CST7: variants seen among roughly 807,000 people sequenced by gnomAD.
The protein encoded by CST7 is cystatin-F.
A neutral mutation model predicts 13.1 loss-of-function variants in CST7; 15 were observed. The observed-to-expected ratio is 1.14, with a 90% CI of 0.77 to 1.76. CST7 has a LOEUF of 1.76. Ranked by LOEUF, CST7 falls within the 40% of genes most tolerant of loss-of-function variation. The pLI is 0.00. For synonymous variants in CST7, 75 were observed against 66.9 expected, an observed-to-expected ratio of 1.12 and a Z score of -0.59; for missense variants, 193 against 178.8, an observed-to-expected ratio of 1.08 and a Z score of -0.45.
chr20:24,951,052 T>A (rs1425439253), intron 1 of CST7, among the ~76,000 whole-genome samples: 1 of 152,162 alleles, frequency 6.6e-6, no homozygotes. Context: ...TGGGAGCCGA[T>A]GTGCTGGGCA....
At chr20:24,949,921 T>C (rs1187719525) in intron 1 of CST7, among the ~76,000 whole-genome samples, 1 of 152,226 alleles carries the variant, frequency 6.6e-6, no homozygotes, top group African/African-American at 2.4e-5. Flanking sequence ...GGCAGCCACA[T>C]GCCTGTGGTT....
chr20:24,950,695 T>G lies in CST7; in HGVS notation c.70+1120T>G, dbSNP rs369214350. On this transcript the variant is annotated intron_variant, in intron 1 of 3. Transcript: ENST00000480798. ...TGGGGACAGCATACCCGGCCCTGCC[T>G]CCCAGCTTGGGAGCCTTCTTAGCTC... 3.7e-4 allele frequency among the ~76,000 whole-genome samples: 56 copies of G among 151,230 alleles called. No individual in the cohort carries two copies. The South Asian group carries it at 3.8e-3, about 10-fold the overall frequency.
intron 1 of CST7, among the ~76,000 whole-genome samples, chr20:24,957,029 G>A (rs1227481666): frequency 1.1e-4 from 1 of 9,228 alleles, no homozygotes; most frequent in African/African-American, 4.2e-4. Flanking sequence ...CAGGTGAGGG[G>A]AGCAGGTGAG....
chr20:24,952,718 C>T (rs182108792), intron 1 of CST7, among the ~76,000 whole-genome samples: 4 of 152,216 alleles, frequency 2.6e-5, no homozygotes, highest in Non-Finnish European at 4.4e-5. Flanking sequence ...ATGGAAAGGG[C>T]ACCCCCTGAG....
rs772160803 is a variant in CST7 at position 24,957,412 on chromosome 20, G to A, written c.196G>A (p.Asp66Asn). ...SVEKFNNCTN[D>N]MFLFKESRIT... ...TGAAAAGTTCAACAACTGCACGAAC[G>A]ACATGTTCTTGTTCAAGGAGTCCCG... The change falls in exon 2 of 4, where the codon GAC (aspartate) becomes AAC (asparagine). Residue 66 changes from aspartate (D) to asparagine (N), a missense_variant. By Grantham distance (23) the Asp-to-Asn change is conservative. Transcript: ENST00000480798. 14 of 1,613,662 alleles carry A rather than the reference G, an allele frequency of 8.7e-6. No homozygotes were observed. The highest frequency in any genetic ancestry group is 4.0e-5 in the African/African-American group (3 of 74,850).
At position 24,959,912 on chromosome 20, in the gene CST7, T is replaced by C; in HGVS notation, c.*200T>C. On this transcript the variant is annotated 3_prime_UTR_variant, in exon 4 of 4. Coordinates refer to ENST00000480798, the MANE Select transcript of CST7 (RefSeq NM_003650.4). ...CTCCTAACAGATTAAATAGATCACATTTGCTTCTAAAATTAACTCCTGTTT... is the reference window on the plus strand; with the variant it reads ...CTCCTAACAGATTAAATAGATCACACTTGCTTCTAAAATTAACTCCTGTTT... 1 of 574,064 alleles carries C rather than the reference T, an allele frequency of 1.7e-6. No individual in the cohort carries two copies. Among genetic ancestry groups the C allele is most frequent in the Non-Finnish European group, 3.2e-6 (1 of 317,128 alleles). The allele number at this position is 574,064 out of a possible 1,614,324, so 35.6% of individuals were successfully genotyped here. A position where few individuals can be genotyped will look rare whatever the true frequency, so the allele number is the denominator to read the frequency against.
rs777518432 is a variant in CST7 at position 24,957,368 on chromosome 20, A to G, written c.152A>G (p.Gln51Arg). Residue 51 changes from glutamine to arginine, a missense_variant, in exon 2 of 4, where the codon CAA becomes CGA. Physicochemically the swap from Gln to Arg is conservative, Grantham distance 43. Coordinates refer to ENST00000480798, the MANE Select transcript of CST7 (RefSeq NM_003650.4). ...AAGACCAATGACCCAGGAGTCCTCC[A>G]AGCAGCCAGATACAGTGTTGAAAAG... ...TIKTNDPGVL[Q>R]AARYSVEKFN... 1.2e-6 allele frequency: 2 copies of G among 1,613,682 alleles called. No individual in the cohort carries two copies. The highest frequency in any genetic ancestry group is 3.3e-5 in the Admixed American group (2 of 59,988).
chr20:24,955,866 C>G (rs540283230), intron 1 of CST7, among the ~76,000 whole-genome samples: 1 of 152,182 alleles, frequency 6.6e-6, no homozygotes, highest in Non-Finnish European at 1.5e-5. Context: ...AGGACCAGCA[C>G]GTGGCCAGCA....
chr20:24,957,097 GGGTA>G, intron 1 of CST7, among the ~76,000 whole-genome samples, 186 bp from the exon 2 acceptor site: 1 of 17,684 alleles, frequency 5.7e-5, no homozygotes, highest in Non-Finnish European at 1.2e-4. Flanking sequence ...GGTTAGGGGT[GGGTA>G]GGGTGGGGGC....
Position 24,957,275 on chromosome 20 carries a change from T to C in CST7, c.71-12T>C. On this transcript the variant is annotated splice_polypyrimidine_tract_variant and intron_variant, in intron 1 of 3. Coordinates refer to ENST00000480798, the MANE Select transcript of CST7 (RefSeq NM_003650.4). ...ACATCAGTGTTCTTGTCTGGCTCTT[T>C]GTCTCTTTCAGATACTTGTTCCCAG... 5.6e-6 allele frequency: 9 copies of C among 1,610,384 alleles called. No individual in the cohort carries two copies. The highest frequency in any genetic ancestry group is 7.6e-6 in the Non-Finnish European group (9 of 1,178,292).
intron 1 of CST7, among the ~76,000 whole-genome samples, chr20:24,955,011 T>C (rs553376394): frequency 1.3e-5 from 2 of 151,480 alleles, no homozygotes; most frequent in African/African-American, 4.9e-5. Context: ...GACAGCCATA[T>C]TAATGTAATG....
At chr20:24,950,257 C>G (rs756605727) in intron 1 of CST7, among the ~76,000 whole-genome samples, 1 of 152,204 alleles carries the variant, frequency 6.6e-6, no homozygotes, top group Non-Finnish European at 1.5e-5. Context: ...CCTCATTTAA[C>G]CAACCAGGAA....
chr20:24,959,308 G>A (rs1485574421), intron 3 of CST7, among the ~76,000 whole-genome samples: 1 of 151,550 alleles, frequency 6.6e-6, no homozygotes, highest in East Asian at 1.9e-4. Context: ...TGCGAGTGGA[G>A]AGGGTTAGAG....
intron 1 of CST7, among the ~76,000 whole-genome samples, chr20:24,951,196 G>A (rs545746192): frequency 5.3e-5 from 8 of 152,196 alleles, no homozygotes; most frequent in Non-Finnish European, 7.3e-5. Context: ...CAGAGCCCAC[G>A]TTCACACACA....
chr20:24,955,410 A>G (rs1241355708), intron 1 of CST7, among the ~76,000 whole-genome samples: 1 of 151,520 alleles, frequency 6.6e-6, no homozygotes, highest in Non-Finnish European at 1.5e-5. Context: ...GCTCAGGAAC[A>G]GAGCGGTTTC....
intron 2 of CST7, among the ~76,000 whole-genome samples, chr20:24,958,035 T>A (rs953070529): frequency 6.6e-6 from 1 of 152,212 alleles, no homozygotes; most frequent in African/African-American, 2.4e-5. Flanking sequence ...TAATGTGGGA[T>A]GCAGGCTGTG....
In CST7 at chr20:24,959,013, G is replaced by A. The variant is rs564651753; in HGVS notation, c.329G>A (p.Cys110Tyr). The part of the protein sequence containing the change: ...KKNQHLRLDD[C>Y]DFQTNHTLKQ... ...AACCAGCACCTGCGTCTGGATGACT[G>A]TGACTTCCAAACCAACCACACCTTG... The change falls in exon 3 of 4, where the codon TGT (cysteine) becomes TAT (tyrosine). Residue 110 changes from cysteine to tyrosine, a missense_variant. Transcript: ENST00000480798. 307 of 1,613,942 alleles carry A rather than the reference G, an allele frequency of 1.9e-4. 3 individuals carry two copies. In the East Asian group the frequency reaches 3.9e-3, roughly 21 times the overall value.
intron 1 of CST7, 149 bp downstream of exon 1, chr20:24,949,724 C>T: frequency 9.6e-7 from 1 of 1,039,148 alleles, no homozygotes. Flanking sequence ...GTGAGAGGGG[C>T]AAGGGGCTCC....
intron 1 of CST7, among the ~76,000 whole-genome samples, chr20:24,950,643 G>A (rs2087813221): frequency 6.6e-6 from 1 of 152,192 alleles, no homozygotes; most frequent in African/African-American, 2.4e-5. Context: ...CAGCGAACAT[G>A]GAGCTGACCC....
Sources: gnomAD v4.1 joint callset for allele counts (sites outside exome capture counted in the v4.1 genomes callset) on GRCh38, gnomAD v4.1.1 for gene constraint, MANE v1.5 for transcripts, NCBI Gene and HGNC (gene_info 2026-07-23, HGNC 2026-07-21) for gene names.